The following DDX60L variants were observed in gnomAD, a reference collection of about 807,000 sequenced individuals.
The protein encoded by DDX60L is probable ATP-dependent RNA helicase DDX60-like.
A neutral mutation model predicts 211.6 loss-of-function variants in DDX60L; 191 were observed. The observed-to-expected ratio is 0.90, with a 90% CI of 0.80 to 1.02. The LOEUF (loss-of-function observed/expected upper bound fraction) is 1.02, where lower values mean the gene tolerates loss of function less well. Among genes scored for constraint, DDX60L ranks in the 50% least tolerant of loss-of-function variants. The probability of loss-of-function intolerance (pLI) is 0.00; values close to 1 mark genes in which losing one functional copy is unlikely to be tolerated. For synonymous variants in DDX60L, 706 were observed against 694.1 expected, an observed-to-expected ratio of 1.02 and a Z score of -0.27; for missense variants, 2,007 against 1,984.1, an observed-to-expected ratio of 1.01 and a Z score of -0.22.
At chr4:168,454,818 A>G (rs1756307697) in intron 7 of DDX60L, among the ~76,000 whole-genome samples, 1 of 122,432 alleles carries the variant, frequency 8.2e-6, no homozygotes, top group Non-Finnish European at 1.6e-5. Flanking sequence ...GTTGGGATGG[A>G]GAAGAGTGAG....
chr4:168,478,127 G>C (rs1429147496), intron 1 of DDX60L, among the ~76,000 whole-genome samples: 1 of 151,020 alleles, frequency 6.6e-6, no homozygotes, highest in African/African-American at 2.4e-5. Flanking sequence ...AGAAGGAAGG[G>C]AGCCAAGAAA....
At chr4:168,468,305 A>G (rs2634955) in intron 4 of DDX60L, among the ~76,000 whole-genome samples, 71 of 152,296 alleles carry the variant, frequency 4.7e-4, no homozygotes, top group African/African-American at 1.7e-3. Flanking sequence ...ATGACCAACT[A>G]AGGTTTTCCC....
chr4:168,414,217 G>A (rs1749143635), intron 22 of DDX60L, among the ~76,000 whole-genome samples: 1 of 152,140 alleles, frequency 6.6e-6, no homozygotes, highest in East Asian at 1.9e-4. Context: ...TACAAGAAGT[G>A]CTAAAGGGAG....
chr4:168,400,140 G>C (rs1746536562), intron 26 of DDX60L, among the ~76,000 whole-genome samples: 1 of 152,110 alleles, frequency 6.6e-6, no homozygotes, highest in African/African-American at 2.4e-5. Flanking sequence ...TCCTGCATTA[G>C]TTTGCTAAGA....
chr4:168,472,978 T>C (rs1759008287), intron 1 of DDX60L, among the ~76,000 whole-genome samples, 169 bp from the exon 2 acceptor site: 1 of 152,158 alleles, frequency 6.6e-6, no homozygotes, highest in African/African-American at 2.4e-5. Flanking sequence ...GGCACAGAGA[T>C]GAGGGTGGCT....
chr4:168,403,390 T>A (rs1034560948), intron 25 of DDX60L, among the ~76,000 whole-genome samples: 4 of 152,220 alleles, frequency 2.6e-5, no homozygotes, highest in African/African-American at 9.6e-5. Flanking sequence ...CAAATTTTCG[T>A]AGTTAAAATA....
chr4:168,408,613 G>GAA (rs138924374), intron 22 of DDX60L, among the ~76,000 whole-genome samples: 1 of 150,584 alleles, frequency 6.6e-6, no homozygotes, highest in Non-Finnish European at 1.5e-5. Flanking sequence ...TGCTCCTTTT[G>GAA]AAAAAAAAAT....
intron 1 of DDX60L, among the ~76,000 whole-genome samples, chr4:168,473,058 CA>C (rs34429903): frequency 6.6e-6 from 1 of 151,870 alleles, no homozygotes; most frequent in Non-Finnish European, 1.5e-5. Flanking sequence ...ATTTGCCCCC[CA>C]AAAAAAGCAA....
At chr4:168,383,924 C>T (rs1743399218) in intron 30 of DDX60L, among the ~76,000 whole-genome samples, 1 of 152,158 alleles carries the variant, frequency 6.6e-6, no homozygotes, top group African/African-American at 2.4e-5. Context: ...ACTCAGTGGG[C>T]TGGGAAAGGC....
chr4:168,405,614 T>A (rs1326881121), intron 24 of DDX60L, among the ~76,000 whole-genome samples: 1 of 152,230 alleles, frequency 6.6e-6, no homozygotes, highest in African/African-American at 2.4e-5. Flanking sequence ...ATCTCCACTA[T>A]CATTCCTCTG....
At chr4:168,395,675 A>G in intron 27 of DDX60L, 1 of 255,204 alleles carries the variant, frequency 3.9e-6, no homozygotes, top group East Asian at 9.0e-5. Context: ...GAATTAAAAT[A>G]TATCATATTG....
At chr4:168,368,510 G>A (rs1740394516) in intron 36 of DDX60L, among the ~76,000 whole-genome samples, 2 of 152,236 alleles carry the variant, frequency 1.3e-5, no homozygotes, top group African/African-American at 4.8e-5. Context: ...AGGCAGTGAA[G>A]AAGGAAAATG....
intron 22 of DDX60L, among the ~76,000 whole-genome samples, chr4:168,408,660 T>G (rs921556463): frequency 3.9e-5 from 6 of 152,186 alleles, no homozygotes; most frequent in African/African-American, 1.4e-4. Context: ...AGTTACATAC[T>G]AAGCATTTAT....
chr4:168,390,261 T>A (rs1044133054), intron 29 of DDX60L: 12 of 1,081,830 alleles, frequency 1.1e-5, no homozygotes, highest in Non-Finnish European at 1.1e-5. Flanking sequence ...AAGGAGACCA[T>A]AATTCTGAAG....
chr4:168,392,603 G>T (rs1745033030), intron 28 of DDX60L, among the ~76,000 whole-genome samples: 1 of 152,124 alleles, frequency 6.6e-6, no homozygotes, highest in Non-Finnish European at 1.5e-5. Flanking sequence ...CAGCACTTTG[G>T]GAGGCCAAGG....
chr4:168,458,763 T>C (rs1037045156), intron 5 of DDX60L, among the ~76,000 whole-genome samples: 1 of 152,198 alleles, frequency 6.6e-6, no homozygotes, highest in African/African-American at 2.4e-5. Context: ...CATTTACCTA[T>C]GTAACAAACC....
chr4:168,395,707 T>C, intron 27 of DDX60L: 1 of 342,910 alleles, frequency 2.9e-6, no homozygotes, highest in Non-Finnish European at 5.2e-6. Context: ...AGAATCAGGC[T>C]ATAAACTAAT....
chr4:168,403,554 C>A (rs1579410873), intron 25 of DDX60L, among the ~76,000 whole-genome samples: 1 of 152,120 alleles, frequency 6.6e-6, no homozygotes, highest in East Asian at 1.9e-4. Context: ...GTATACCACA[C>A]CATATCAAGG....
rs553577674 is a variant in DDX60L, at chr4:168,441,409, T to G, written c.1222A>C (p.Asn408His). The change falls in exon 10 of 38, where the codon AAC becomes CAC. Residue 408 changes from asparagine to histidine, a missense_variant. Asn to His is a moderately conservative substitution (Grantham distance 68). Transcript: ENST00000682922. The part of the protein sequence containing the change: ...NVVSHLVKEF[N>H]VGKSFPLRTT... ...CTCAGAGGAAAAGACTTTCCAACGT[T>G]AAATTCTTTAACCAGGTGTGACACA... The G allele has an allele frequency of 6.2e-7, 1 of 1,613,154 alleles. No homozygotes were observed. The highest frequency in any genetic ancestry group is 1.3e-5 in the African/African-American group (1 of 74,980).
Sources: gnomAD v4.1 joint callset for allele counts (sites outside exome capture counted in the v4.1 genomes callset) on GRCh38, gnomAD v4.1.1 for gene constraint, MANE v1.5 for transcripts, NCBI Gene and HGNC (gene_info 2026-07-23, HGNC 2026-07-21) for gene names.